PALS2: variants seen among roughly 807,000 people sequenced by gnomAD.
The protein encoded by PALS2 is protein associated with LIN7 2, MAGUK p55 family member.
A neutral mutation model predicts 61.6 loss-of-function variants in PALS2; 27 were observed. The ratio of observed to expected loss-of-function variants is 0.44; its 90% confidence interval spans 0.32 to 0.60. The LOEUF is 0.60. Ranked by LOEUF, PALS2 falls within the 20% of genes least tolerant of loss-of-function variation. The pLI is 0.05. For synonymous variants in PALS2, 236 were observed against 218.6 expected, an observed-to-expected ratio of 1.08 and a Z score of -0.70; for missense variants, 554 against 639.4, an observed-to-expected ratio of 0.87 and a Z score of 1.44.
chr7:24,585,061 T>C (rs1481749749), intron 1 of PALS2, among the ~76,000 whole-genome samples: 1 of 152,184 alleles, frequency 6.6e-6, no homozygotes, highest in Admixed American at 6.5e-5. Flanking sequence ...TTTTGGTTAC[T>C]GTAGCCTTGT....
In PALS2 at chr7:24,691,430, TATATATATATATATAC is replaced by T. The variant is rs1293291907; in HGVS notation, c.*3818_*3833del. ...GTATATATATATATATATATATATA[TATATATATATATATAC>T]AGCTATGTGTATAATATGTAAAATT... On this transcript the variant is annotated 3_prime_UTR_variant, in exon 12 of 12. Transcript: ENST00000222644. 1 of 144,082 alleles carries T rather than the reference TATATATATATATATAC, an allele frequency of 6.9e-6. No individual in the cohort carries two copies. The highest frequency in any genetic ancestry group is 2.5e-5 in the African/African-American group (1 of 39,762). 8.9% of individuals were successfully genotyped at this position (144,082 alleles called of 1,614,324 possible).
rs1227752575 is a variant in PALS2, at chr7:24,666,011, C to T, written c.884-10C>T. ...ACTGCTTAAGTTATATTTGTTTTAT[C>T]ATCCTTCAGGACCTTTTTGTGGAAC... On this transcript the variant is annotated splice_polypyrimidine_tract_variant and intron_variant, in intron 7 of 11. Coordinates refer to ENST00000222644, the MANE Select transcript of PALS2 (RefSeq NM_001303037.2). 6 of 1,600,000 alleles carry T rather than the reference C, an allele frequency of 3.8e-6. No individual in the cohort carries two copies. In the African/African-American group the frequency reaches 6.7e-5, roughly 18 times the overall value.
At chr7:24,675,153 C>G (rs1026678761) in intron 9 of PALS2, among the ~76,000 whole-genome samples, 2 of 152,032 alleles carry the variant, frequency 1.3e-5, no homozygotes, top group African/African-American at 2.4e-5. Context: ...AAGAACATTT[C>G]TCTAAGAATT....
intron 5 of PALS2, among the ~76,000 whole-genome samples, chr7:24,657,268 T>A (rs80320518): frequency 0.069 from 10,533 of 152,268 alleles, 449 homozygotes; most frequent in African/African-American, 0.11. Context: ...GTATATGTTG[T>A]ACTTTTGAAG....
chr7:24,598,661 A>C (rs541726170), intron 1 of PALS2, among the ~76,000 whole-genome samples: 2 of 152,170 alleles, frequency 1.3e-5, no homozygotes, highest in Non-Finnish European at 2.9e-5. Context: ...GGAATTCGCA[A>C]ATTTCTGAAA....
chr7:24,614,609 T>A (rs1784227316), intron 1 of PALS2, among the ~76,000 whole-genome samples: 3 of 151,862 alleles, frequency 2.0e-5, no homozygotes, highest in Admixed American at 2.0e-4. Context: ...TTATTACATC[T>A]AAAAGGATAG....
chr7:24,620,416 A>T (rs985495748), intron 1 of PALS2, among the ~76,000 whole-genome samples: 1 of 152,230 alleles, frequency 6.6e-6, no homozygotes, highest in African/African-American at 2.4e-5. Context: ...TGACAGCATT[A>T]TAATATTTGA....
In PALS2 at chr7:24,688,550, G is replaced by A. The variant is rs1343064731; in HGVS notation, c.*936G>A. 1 of 152,090 alleles carries A rather than the reference G, an allele frequency of 6.6e-6. No homozygotes were observed. The highest frequency in any genetic ancestry group is 2.4e-5 in the African/African-American group (1 of 41,422). The allele number at this position is 152,090 out of a possible 1,614,324, so 9.4% of individuals were successfully genotyped here. On this transcript the variant is annotated 3_prime_UTR_variant, in exon 12 of 12. Transcript: ENST00000222644. ...GTATCATGCCTCTGCAAATTTTAGT[G>A]ATGTTTAGAGATGCCTCTAAGTTTG...
chr7:24,598,016 C>T (rs1372649628), intron 1 of PALS2, among the ~76,000 whole-genome samples: 1 of 152,010 alleles, frequency 6.6e-6, no homozygotes, highest in Non-Finnish European at 1.5e-5. Flanking sequence ...GAGAAAAGAG[C>T]TGTGGAAAAT....
chr7:24,650,306 A>G (rs1220015718), intron 4 of PALS2, among the ~76,000 whole-genome samples, 179 bp from the exon 5 acceptor site: 1 of 152,164 alleles, frequency 6.6e-6, no homozygotes, highest in Non-Finnish European at 1.5e-5. Context: ...CCACTAGTGT[A>G]ATAAACTATA....
At chr7:24,677,366 C>T (rs1787668667) in intron 9 of PALS2, among the ~76,000 whole-genome samples, 1 of 152,108 alleles carries the variant, frequency 6.6e-6, no homozygotes, top group East Asian at 1.9e-4. Flanking sequence ...CCTTTATTTC[C>T]TTCTCTTGCC....
chr7:24,602,606 G>A (rs1783759860), intron 1 of PALS2, among the ~76,000 whole-genome samples: 2 of 152,132 alleles, frequency 1.3e-5, no homozygotes. Context: ...AGGTGGAGGG[G>A]TTTGTATCAG....
At chr7:24,609,244 A>G (rs185233969) in intron 1 of PALS2, among the ~76,000 whole-genome samples, 103 of 152,242 alleles carry the variant, frequency 6.8e-4, no homozygotes, top group African/African-American at 2.3e-3. Flanking sequence ...GTATTTGTGT[A>G]GGCTGCTCCT....
chr7:24,574,640 C>G (rs1162082980), intron 1 of PALS2, among the ~76,000 whole-genome samples: 1 of 152,086 alleles, frequency 6.6e-6, no homozygotes, highest in Non-Finnish European at 1.5e-5. Context: ...TTTATTCTTT[C>G]CTACGCCTTT....
At chr7:24,652,315 A>G (rs2529085) in intron 5 of PALS2, among the ~76,000 whole-genome samples, 64,683 of 152,040 alleles carry the variant, frequency 0.43, 16,537 homozygotes, top group East Asian at 0.72. Flanking sequence ...ATTAATAACT[A>G]GGGCTTTGGC....
At chr7:24,602,410 C>T (rs1238778531) in intron 1 of PALS2, among the ~76,000 whole-genome samples, 1 of 152,152 alleles carries the variant, frequency 6.6e-6, no homozygotes, top group African/African-American at 2.4e-5. Context: ...AAACCTGATG[C>T]TCTGATTTCA....
At chr7:24,610,076 A>T (rs565541520) in intron 1 of PALS2, among the ~76,000 whole-genome samples, 1 of 152,168 alleles carries the variant, frequency 6.6e-6, no homozygotes, top group African/African-American at 2.4e-5. Flanking sequence ...AACCCATCAA[A>T]TAAAGAGTTA....
chr7:24,596,337 A>G lies in PALS2; in HGVS notation c.-3+22744A>G, dbSNP rs1783522763. Among the ~76,000 whole-genome samples, 1 of 152,082 alleles carries G rather than the reference A, an allele frequency of 6.6e-6. No homozygotes were observed. The highest frequency in any genetic ancestry group is 2.4e-5 in the African/African-American group (1 of 41,402). On this transcript the variant is annotated intron_variant, in intron 1 of 11. Coordinates refer to ENST00000222644, the MANE Select transcript of PALS2 (RefSeq NM_001303037.2). This position sits in a 1 kb window ranked among gnomAD's most constrained non-coding sequence, Gnocchi z 4.5. ...ACCTCCATTGTGACCGAATTGAAGA[A>G]CCAGTTTATCATTGGATCTGTTATG...
intron 10 of PALS2, 37 bp downstream of exon 10, chr7:24,679,370 A>G (rs895043369): frequency 9.4e-6 from 15 of 1,598,186 alleles, no homozygotes; most frequent in Non-Finnish European, 1.3e-5. Context: ...TTTATATTTT[A>G]TTTTCTGTGG....
Sources: allele counts gnomAD v4.1 joint callset (sites outside exome capture counted in the v4.1 genomes callset), GRCh38; gene constraint gnomAD v4.1.1; non-coding constraint Gnocchi (gnomAD v3.1); transcripts MANE v1.5; gene names NCBI Gene and HGNC (gene_info 2026-07-23, HGNC 2026-07-21).